Variants in MARCO observed in about 807,000 individuals in gnomAD.
MARCO encodes the protein macrophage receptor with collagenous structure.
A neutral mutation model predicts 70.0 loss-of-function variants in MARCO; 72 were observed. The ratio of observed to expected loss-of-function variants is 1.03; its 90% confidence interval spans 0.85 to 1.25. The LOEUF is 1.25. MARCO is among the 50% of genes most tolerant of loss of function. MARCO has a pLI of 0.00. For synonymous variants in MARCO, 273 were observed against 243.1 expected, an observed-to-expected ratio of 1.12 and a Z score of -1.14; for missense variants, 696 against 659.3, an observed-to-expected ratio of 1.06 and a Z score of -0.61.
intron 1 of MARCO, among the ~76,000 whole-genome samples, chr2:118,959,220 A>G (rs183074673): frequency 1.6e-3 from 237 of 152,340 alleles, no homozygotes; most frequent in African/African-American, 5.6e-3. Flanking sequence ...GTGGGAGAAA[A>G]TCTTCACAAA....
At chr2:118,952,042 C>G (rs1679732686) in intron 1 of MARCO, among the ~76,000 whole-genome samples, 1 of 152,206 alleles carries the variant, frequency 6.6e-6, no homozygotes, top group African/African-American at 2.4e-5. Context: ...TCTCCTTCCC[C>G]TTCCCCTAGG....
At chr2:118,992,691 T>C (rs1209204238) in intron 15 of MARCO, among the ~76,000 whole-genome samples, 1 of 151,414 alleles carries the variant, frequency 6.6e-6, no homozygotes, top group Non-Finnish European at 1.5e-5. Flanking sequence ...TCTCCCTTCC[T>C]TCCCCCTTTC....
chr2:118,991,739 A>G, intron 13 of MARCO, 38 bp from the exon 14 acceptor site: 1 of 1,342,364 alleles, frequency 7.4e-7, no homozygotes, highest in South Asian at 1.3e-5. Context: ...GGGAAGGCAA[A>G]GCAGGGCACC....
intron 1 of MARCO, 70 bp downstream of exon 1, chr2:118,942,467 A>C: frequency 1.6e-6 from 2 of 1,235,986 alleles, no homozygotes; most frequent in South Asian, 1.2e-5. Flanking sequence ...ATACGAAAAT[A>C]GACAAGTCAA....
chr2:118,942,350 A>G lies in MARCO; in HGVS notation c.50A>G (p.Gln17Arg). 2 of 1,613,940 alleles carry G rather than the reference A, an allele frequency of 1.2e-6. No homozygotes were observed. The highest frequency in any genetic ancestry group is 1.7e-6 in the Non-Finnish European group (2 of 1,179,870). ...GAGGACGAGCTCTTGAGTGAGACCC[A>G]ACAAGCTGCTTTTCACCAAATTGCA... is the stretch of plus-strand genomic sequence containing the variant. ...LKEDELLSET[Q>R]QAAFHQIAME... Residue 17 changes from glutamine (Q) to arginine (R), a missense_variant, in exon 1 of 17, where the codon CAA becomes CGA. This residue lies in a region of MARCO where 605 missense variants were observed against 537.6 expected (regional missense o/e 1.13). Transcript: ENST00000327097.
At position 118,942,402 on chromosome 2, in the gene MARCO, A is replaced by G. The variant is rs764151010; in HGVS notation, c.97+5A>G. The G allele has an allele frequency of 6.2e-7, 1 of 1,600,832 alleles. No homozygotes were observed. The highest frequency in any genetic ancestry group is 2.2e-5 in the East Asian group (1 of 44,726). Reference sequence around the variant, plus strand: ...TGGAGCCTTTCGAAATCAATGGTAAAGTACGATTCCCCAATAATGGAAATG... The same window carrying G: ...TGGAGCCTTTCGAAATCAATGGTAAGGTACGATTCCCCAATAATGGAAATG... On this transcript the variant is annotated splice_donor_5th_base_variant and intron_variant, in intron 1 of 16. Coordinates refer to ENST00000327097, the MANE Select transcript of MARCO (RefSeq NM_006770.4).
At chr2:118,984,843 G>C (rs1470719764) in intron 12 of MARCO, among the ~76,000 whole-genome samples, 1 of 152,172 alleles carries the variant, frequency 6.6e-6, no homozygotes, top group Admixed American at 6.5e-5. Context: ...CCACTGCAGT[G>C]CTTGGCCAGT....
chr2:118,974,081 C>T (rs1431708744), intron 4 of MARCO, among the ~76,000 whole-genome samples: 1 of 152,160 alleles, frequency 6.6e-6, no homozygotes, highest in African/African-American at 2.4e-5. Flanking sequence ...ATGTAACTTG[C>T]ACAAGGTCAC....
chr2:118,945,802 A>T (rs541627870), intron 1 of MARCO, among the ~76,000 whole-genome samples: 3 of 152,346 alleles, frequency 2.0e-5, no homozygotes, highest in East Asian at 3.9e-4. Flanking sequence ...GAGAAGTTTG[A>T]AACAAAATAC....
At chr2:118,943,563 T>A (rs1448598445) in intron 1 of MARCO, among the ~76,000 whole-genome samples, 1 of 152,222 alleles carries the variant, frequency 6.6e-6, no homozygotes, top group Non-Finnish European at 1.5e-5. Flanking sequence ...AATTTCCATG[T>A]TGTGACTGAG....
intron 1 of MARCO, among the ~76,000 whole-genome samples, chr2:118,947,883 A>C: frequency 6.6e-6 from 1 of 152,192 alleles, no homozygotes; most frequent in East Asian, 1.9e-4. Context: ...GATCTTGCTG[A>C]AATTTTGATA....
chr2:118,945,404 CTTTTTTTTT>C (rs55684033), intron 1 of MARCO, among the ~76,000 whole-genome samples: 2 of 123,066 alleles, frequency 1.6e-5, no homozygotes, highest in Non-Finnish European at 3.4e-5. Flanking sequence ...CCTCTTGTTT[CTTTTTTTTT>C]TTTTTTTTTT....
chr2:118,993,720 A>G (rs914642431), intron 16 of MARCO, among the ~76,000 whole-genome samples: 7 of 152,268 alleles, frequency 4.6e-5, no homozygotes, highest in Non-Finnish European at 5.9e-5. Flanking sequence ...ACCAGCAAGC[A>G]GTCTTGGCTG....
chr2:118,984,295 T>C (rs187726707), intron 12 of MARCO, among the ~76,000 whole-genome samples: 33 of 152,324 alleles, frequency 2.2e-4, no homozygotes, highest in Admixed American at 1.6e-3. Context: ...TGGTTCTTAG[T>C]TATTTAACCA....
intron 12 of MARCO, among the ~76,000 whole-genome samples, chr2:118,989,052 G>C (rs751880947): frequency 6.6e-6 from 1 of 152,248 alleles, no homozygotes; most frequent in Non-Finnish European, 1.5e-5. Context: ...GTATAAGACA[G>C]AAGTGGACTC....
At chr2:118,987,186 T>G (rs528953472) in intron 12 of MARCO, among the ~76,000 whole-genome samples, 1 of 152,344 alleles carries the variant, frequency 6.6e-6, no homozygotes, top group South Asian at 2.1e-4. Flanking sequence ...TTCAGCTTGA[T>G]AAGCTTGTGA....
chr2:118,948,340 C>T (rs1247821583), intron 1 of MARCO, among the ~76,000 whole-genome samples: 1 of 152,178 alleles, frequency 6.6e-6, no homozygotes, highest in Non-Finnish European at 1.5e-5. Context: ...TAAACTGATA[C>T]CCGATTTGCT....
chr2:118,950,590 G>A (rs779702075), intron 1 of MARCO, among the ~76,000 whole-genome samples: 16 of 152,172 alleles, frequency 1.1e-4, no homozygotes, highest in Non-Finnish European at 2.2e-4. Flanking sequence ...TTACATTCAG[G>A]AGGCCTAATT....
chr2:118,974,603 C>T, intron 6 of MARCO, 38 bp downstream of exon 6: 1 of 1,594,048 alleles, frequency 6.3e-7, no homozygotes, highest in South Asian at 1.1e-5. Flanking sequence ...AAATACACAG[C>T]AAGTTTCTCA....
Sources: allele counts gnomAD v4.1 joint callset (sites outside exome capture counted in the v4.1 genomes callset), GRCh38; gene constraint gnomAD v4.1.1; regional missense constraint gnomAD v4.1.1; transcripts MANE v1.5; gene names NCBI Gene and HGNC (gene_info 2026-07-23, HGNC 2026-07-21).